Variants in KCNIP1 observed in about 807,000 individuals in gnomAD.
KCNIP1 encodes the protein A-type potassium channel modulatory protein KCNIP1.
Under a neutral mutation model 33.0 loss-of-function variants are expected in KCNIP1, and 18 were observed. The ratio of observed to expected loss-of-function variants is 0.55; its 90% CI spans 0.38 to 0.81. The LOEUF (loss-of-function observed/expected upper bound fraction) is 0.81. KCNIP1 is among the 30% of genes least tolerant of loss of function. The probability of loss-of-function intolerance (pLI) is 0.00; values close to 1 mark genes in which losing one functional copy is unlikely to be tolerated. For missense variants in KCNIP1, 238 were observed against 271.6 expected, an observed-to-expected ratio of 0.88 and a Z score of 0.87; for synonymous variants, 93 against 98.3, an observed-to-expected ratio of 0.95 and a Z score of 0.32.
chr5:170,661,684 A>G (rs1761493796), intron 1 of KCNIP1, among the ~76,000 whole-genome samples: 1 of 152,172 alleles, frequency 6.6e-6, no homozygotes, highest in Admixed American at 6.5e-5. Context: ...CCAGCCCCAT[A>G]TTATACCCTT....
intron 1 of KCNIP1, among the ~76,000 whole-genome samples, chr5:170,629,755 C>T (rs1759983034): frequency 6.6e-6 from 1 of 152,224 alleles, no homozygotes; most frequent in South Asian, 2.1e-4. Flanking sequence ...ACATCCCCAG[C>T]ACGCAGCATC....
intron 1 of KCNIP1, among the ~76,000 whole-genome samples, chr5:170,495,861 G>A (rs1279018737): frequency 6.6e-6 from 1 of 152,200 alleles, no homozygotes; most frequent in Non-Finnish European, 1.5e-5. Context: ...CTCAGCACGA[G>A]GGCAGCTGAG....
intron 1 of KCNIP1, among the ~76,000 whole-genome samples, chr5:170,385,993 G>A (rs918568189): frequency 1.5e-4 from 23 of 151,820 alleles, no homozygotes; most frequent in African/African-American, 5.1e-4. Flanking sequence ...GGGTGTGGTC[G>A]TGGGAGCCAG....
At chr5:170,700,758 G>A (rs10075875) in intron 1 of KCNIP1, among the ~76,000 whole-genome samples, 2 of 151,944 alleles carry the variant, frequency 1.3e-5, no homozygotes, top group Admixed American at 6.5e-5. Flanking sequence ...CCTGGGACAC[G>A]CACACAATAG....
rs1486415539 is a variant in KCNIP1 at position 170,437,231 on chromosome 5, AG to A, written c.88+83269del. On this transcript the variant is annotated intron_variant, in intron 1 of 7. Transcript: ENST00000377360. ...TCTAGGGAAGGCACCTCTTAAATGA[AG>A]GTTTCATGACCCACTTGAGAATAAA... 2.6e-5 allele frequency among the ~76,000 whole-genome samples: 4 copies of A among 152,172 alleles called. No homozygotes were observed. The East Asian group carries it at 7.7e-4, about 29-fold the overall frequency.
chr5:170,649,980 C>T (rs1381128385), intron 1 of KCNIP1, among the ~76,000 whole-genome samples: 1 of 152,016 alleles, frequency 6.6e-6, no homozygotes, highest in African/African-American at 2.4e-5. Flanking sequence ...CCAGAAAAGT[C>T]CCAAAGGAGG....
chr5:170,601,844 A>G (rs1758706483), intron 1 of KCNIP1, among the ~76,000 whole-genome samples: 1 of 152,170 alleles, frequency 6.6e-6, no homozygotes, highest in Non-Finnish European at 1.5e-5. Context: ...GACGTCGAGC[A>G]GGGGCCTTTG....
intron 1 of KCNIP1, among the ~76,000 whole-genome samples, chr5:170,518,663 A>T (rs982900542): frequency 2.0e-5 from 3 of 152,204 alleles, no homozygotes; most frequent in African/African-American, 7.2e-5. Flanking sequence ...GAGCAATTCG[A>T]TAACCTGGCA....
chr5:170,626,752 C>T (rs553668517), intron 1 of KCNIP1, among the ~76,000 whole-genome samples: 3 of 152,284 alleles, frequency 2.0e-5, no homozygotes, highest in Non-Finnish European at 2.9e-5. Flanking sequence ...GTGAGGCTGC[C>T]GCACAAGTTG....
intron 1 of KCNIP1, among the ~76,000 whole-genome samples, chr5:170,496,957 G>A (rs535386554): frequency 5.7e-4 from 87 of 152,090 alleles, no homozygotes; most frequent in African/African-American, 1.9e-3. Context: ...TGATCTTGCC[G>A]AGTATCTAGG....
chr5:170,431,292 C>G (rs1424142443), intron 1 of KCNIP1, among the ~76,000 whole-genome samples: 1 of 152,202 alleles, frequency 6.6e-6, no homozygotes, highest in Non-Finnish European at 1.5e-5. Context: ...GAGGAGTCGG[C>G]ACGAATCCTG....
chr5:170,599,876 C>T (rs1758625673), intron 1 of KCNIP1, among the ~76,000 whole-genome samples: 1 of 152,232 alleles, frequency 6.6e-6, no homozygotes, highest in Non-Finnish European at 1.5e-5. Context: ...TTCTACACAG[C>T]ACTTCCGTCC....
intron 1 of KCNIP1, among the ~76,000 whole-genome samples, chr5:170,477,019 G>A (rs1756870832): frequency 6.6e-6 from 1 of 152,186 alleles, no homozygotes. Flanking sequence ...CCGCTGTAAT[G>A]TGGAATGTTG....
chr5:170,361,566 C>G (rs1262719493), intron 1 of KCNIP1, among the ~76,000 whole-genome samples: 1 of 152,162 alleles, frequency 6.6e-6, no homozygotes, highest in African/African-American at 2.4e-5. Flanking sequence ...CAACTGCTTG[C>G]TGTCTTAGGC....
chr5:170,456,069 T>G (rs1756363572), intron 1 of KCNIP1, among the ~76,000 whole-genome samples: 1 of 152,190 alleles, frequency 6.6e-6, no homozygotes, highest in Non-Finnish European at 1.5e-5. Flanking sequence ...CAAATGCCCA[T>G]CAATGATAGA....
chr5:170,647,658 C>T (rs60837519), intron 1 of KCNIP1, among the ~76,000 whole-genome samples: 2,131 of 150,232 alleles, frequency 0.014, 48 homozygotes, highest in East Asian at 0.075. Context: ...ATATAAGACA[C>T]AAAACTATAA....
chr5:170,636,234 G>C (rs1461347507), intron 1 of KCNIP1, among the ~76,000 whole-genome samples: 2 of 152,252 alleles, frequency 1.3e-5, no homozygotes, highest in Non-Finnish European at 2.9e-5. Context: ...CATTGGCGTA[G>C]AGACAGCGTT....
intron 1 of KCNIP1, among the ~76,000 whole-genome samples, chr5:170,608,159 C>A (rs190105428): frequency 1.4e-4 from 22 of 152,308 alleles, no homozygotes; most frequent in African/African-American, 5.3e-4. Context: ...CTCCTAGGAA[C>A]AAGGACACCA....
chr5:170,360,270 T>C (rs1452766294), intron 1 of KCNIP1, among the ~76,000 whole-genome samples: 3 of 152,118 alleles, frequency 2.0e-5, no homozygotes, highest in Non-Finnish European at 4.4e-5. Flanking sequence ...CGATGTGAAG[T>C]CACTGTGGAA....
Sources: allele counts gnomAD v4.1 joint callset (sites outside exome capture counted in the v4.1 genomes callset), GRCh38; gene constraint gnomAD v4.1.1; transcripts MANE v1.5; gene names NCBI Gene and HGNC (gene_info 2026-07-23, HGNC 2026-07-21).